The following BMERB1 variants were observed in gnomAD, a reference collection of about 807,000 sequenced individuals.
The protein encoded by BMERB1 is bMERB domain containing 1, also known as bMERB domain-containing protein 1.
Under a neutral mutation model 23.6 loss-of-function variants are expected in BMERB1, and 12 were observed. The observed-to-expected ratio is 0.51, with a 90% CI of 0.33 to 0.82. The LOEUF (loss-of-function observed/expected upper bound fraction) is 0.82. Among genes scored for constraint, BMERB1 ranks in the 40% least tolerant of loss-of-function variants. The pLI is 0.03. For missense variants in BMERB1, 247 were observed against 255.4 expected (o/e 0.97, Z 0.22); for synonymous variants, 122 against 96.6 (o/e 1.26, Z -1.54).
intron 1 of BMERB1, among the ~76,000 whole-genome samples, chr16:15,471,910 A>T (rs1275069429): frequency 6.6e-6 from 1 of 152,156 alleles, no homozygotes. Flanking sequence ...AGTGCTATTA[A>T]TTTTACACTG....
At chr16:15,547,727 G>A (rs995625775) in intron 2 of BMERB1, among the ~76,000 whole-genome samples, 1 of 152,114 alleles carries the variant, frequency 6.6e-6, no homozygotes, top group Non-Finnish European at 1.5e-5. Context: ...AGTGAGACCT[G>A]ACCTGCCACA....
intron 1 of BMERB1, among the ~76,000 whole-genome samples, chr16:15,447,541 T>C (rs555475995): frequency 6.6e-6 from 1 of 152,272 alleles, no homozygotes; most frequent in Admixed American, 6.5e-5. Flanking sequence ...TTAAGAAGAT[T>C]CAATGAAATA....
rs561882792 is a variant in BMERB1, at chr16:15,507,370, C to T, written c.107-7935C>T. ...GCTCAGCTCTTGTTTGCTGGTGCCA[C>T]CGCTCAGGAAGCATGCATCTCCCTG... On this transcript the variant is annotated intron_variant, in intron 1 of 5. Transcript: ENST00000300006. Among the ~76,000 whole-genome samples the T allele has an allele frequency of 2.6e-5, 4 of 152,254 alleles. No individual in the cohort carries two copies. The South Asian group carries it at 8.3e-4, about 32-fold the overall frequency.
intron 3 of BMERB1, among the ~76,000 whole-genome samples, chr16:15,572,260 A>C (rs934835431): frequency 3.3e-5 from 5 of 152,238 alleles, no homozygotes; most frequent in Non-Finnish European, 5.9e-5. Flanking sequence ...GTTGTTGTGA[A>C]TATCCCATAA....
chr16:15,434,726 GAGACGGCT>G lies in BMERB1; in HGVS notation c.74_81del (p.Glu25ValfsTer27). ...TCTGAGGCGCTATGGGGCGGTGGAG[GAGACGGCT>G]TGGAAAACGGAGAGACTGGGGAGAA... On this transcript the variant is annotated frameshift_variant, in exon 1 of 6. Coordinates refer to ENST00000300006, the MANE Select transcript of BMERB1 (RefSeq NM_033201.3). LOFTEE classifies it high-confidence loss of function. 2.6e-6 allele frequency: 4 copies of G among 1,513,126 alleles called. No individual in the cohort carries two copies. The highest frequency in any genetic ancestry group is 3.6e-6 in the Non-Finnish European group (4 of 1,117,204). The allele number at this position is 1,513,126 out of a possible 1,614,324, so 93.7% of individuals were successfully genotyped here.
intron 1 of BMERB1, among the ~76,000 whole-genome samples, chr16:15,440,756 G>A (rs1185905686): frequency 6.6e-6 from 1 of 152,150 alleles, no homozygotes; most frequent in Non-Finnish European, 1.5e-5. Context: ...GGGGCTGCAG[G>A]TACAGTCTTG....
intron 2 of BMERB1, among the ~76,000 whole-genome samples, chr16:15,526,384 G>T (rs1381958430): frequency 6.6e-6 from 1 of 152,148 alleles, no homozygotes; most frequent in African/African-American, 2.4e-5. Context: ...AAAAAATATA[G>T]GCCGGGCGTG....
intron 1 of BMERB1, among the ~76,000 whole-genome samples, chr16:15,436,257 CTTTT>C (rs35697186): frequency 7.9e-5 from 9 of 114,646 alleles, no homozygotes; most frequent in Admixed American, 9.6e-5. Flanking sequence ...TTTAGTTTAG[CTTTT>C]TTTTTTTTTT....
intron 2 of BMERB1, chr16:15,536,997 T>C (rs1376721641): frequency 6.6e-6 from 1 of 152,206 alleles, no homozygotes; most frequent in Non-Finnish European, 1.5e-5. Flanking sequence ...AGCCTCTCTC[T>C]CTCCCCTGTA....
At position 15,476,364 on chromosome 16, in the gene BMERB1, T is replaced by C. The variant is rs548563953; in HGVS notation, c.107-38941T>C. On this transcript the variant is annotated intron_variant, in intron 1 of 5. Transcript: ENST00000300006. ...TTTCAGTAGAGACAGGGTTTCACCA[T>C]GTTGGCCAGGCTGGTCTCGAACTCC... Among the ~76,000 whole-genome samples the C allele has an allele frequency of 4.6e-5, 7 of 152,292 alleles. No homozygotes were observed. In the East Asian group the frequency reaches 1.4e-3, roughly 29 times the overall value.
chr16:15,541,398 G>T (rs925689912), intron 2 of BMERB1, among the ~76,000 whole-genome samples: 1 of 150,560 alleles, frequency 6.6e-6, no homozygotes, highest in Admixed American at 6.6e-5. Flanking sequence ...GTCAGCGAGT[G>T]GGACTGGAAG....
chr16:15,469,446 T>C (rs1283294367), intron 1 of BMERB1, among the ~76,000 whole-genome samples: 1 of 152,212 alleles, frequency 6.6e-6, no homozygotes, highest in Non-Finnish European at 1.5e-5. Flanking sequence ...TTCATATTTC[T>C]CAAATTATTT....
chr16:15,446,674 C>T (rs2050992675), intron 1 of BMERB1, among the ~76,000 whole-genome samples: 1 of 152,184 alleles, frequency 6.6e-6, no homozygotes, highest in African/African-American at 2.4e-5. Context: ...TTCCTAATTT[C>T]CCAGGATTAG....
intron 1 of BMERB1, among the ~76,000 whole-genome samples, chr16:15,469,425 C>T (rs1200513227): frequency 1.3e-5 from 2 of 152,154 alleles, no homozygotes. Flanking sequence ...TTTGTGATTC[C>T]TTCCAGCTTA....
At chr16:15,557,479 G>C (rs547241149) in intron 2 of BMERB1, among the ~76,000 whole-genome samples, 3 of 152,302 alleles carry the variant, frequency 2.0e-5, no homozygotes, top group East Asian at 3.9e-4. Flanking sequence ...AAATCATCAT[G>C]ATGTCATGCT....
chr16:15,459,298 G>A (rs759123063), intron 1 of BMERB1, among the ~76,000 whole-genome samples: 3 of 151,158 alleles, frequency 2.0e-5, no homozygotes, highest in Non-Finnish European at 4.4e-5. Context: ...AAATGCAAAT[G>A]GATTAAATAC....
intron 2 of BMERB1, among the ~76,000 whole-genome samples, chr16:15,542,001 C>T (rs2052088755): frequency 6.6e-6 from 1 of 150,950 alleles, no homozygotes; most frequent in Non-Finnish European, 1.5e-5. Context: ...CTGGCTCAGC[C>T]ACCTGAGTAG....
intron 1 of BMERB1, among the ~76,000 whole-genome samples, chr16:15,461,733 G>A (rs2051137556): frequency 6.6e-6 from 1 of 151,764 alleles, no homozygotes; most frequent in Non-Finnish European, 1.5e-5. Context: ...GACCAGCCTG[G>A]GCAACACAGC....
intron 3 of BMERB1, among the ~76,000 whole-genome samples, chr16:15,578,281 C>T (rs2030922873): frequency 1.4e-5 from 2 of 146,036 alleles, no homozygotes; most frequent in African/African-American, 5.1e-5. Context: ...CCAGGCTGGT[C>T]TAGAACTCCC....
Sources: allele counts gnomAD v4.1 joint callset (sites outside exome capture counted in the v4.1 genomes callset), GRCh38; gene constraint gnomAD v4.1.1; transcripts MANE v1.5; gene names NCBI Gene and HGNC (gene_info 2026-07-23, HGNC 2026-07-21).